The following ROBO2 variants were observed in gnomAD, a reference collection of about 807,000 sequenced individuals.
ROBO2 encodes the protein roundabout homolog 2.
A neutral mutation model predicts 160.8 loss-of-function variants in ROBO2; 53 were observed. The observed-to-expected ratio is 0.33, with a 90% CI of 0.26 to 0.41. The LOEUF (loss-of-function observed/expected upper bound fraction) is 0.41. ROBO2 is among the 10% of genes least tolerant of loss of function. ROBO2 has a pLI of 1.00. For synonymous variants in ROBO2, 664 were observed against 611.7 expected (o/e 1.09, Z -1.26); for missense variants, 1,577 against 1,722.4 (o/e 0.92, Z 1.49).
chr3:77,640,541 G>A (rs2095336910), intron 24 of ROBO2, among the ~76,000 whole-genome samples: 1 of 152,296 alleles, frequency 6.6e-6, no homozygotes, highest in East Asian at 1.9e-4. Context: ...TGGGAGGAAA[G>A]ATCCAAGCTG....
chr3:76,971,574 G>T (rs560402450), intron 2 of ROBO2, among the ~76,000 whole-genome samples: 92 of 152,110 alleles, frequency 6.0e-4, no homozygotes, highest in African/African-American at 2.2e-3. Flanking sequence ...AATAAAAAGG[G>T]TACACCTGTA....
intron 2 of ROBO2, among the ~76,000 whole-genome samples, chr3:76,195,153 C>T (rs1244444329): frequency 4.6e-5 from 7 of 152,156 alleles, no homozygotes; most frequent in Admixed American, 3.9e-4. Context: ...CAAAATTTCA[C>T]ATGCTATCTC....
intron 15 of ROBO2, among the ~76,000 whole-genome samples, chr3:77,578,858 A>G (rs1323906949): frequency 6.6e-6 from 1 of 152,040 alleles, no homozygotes; most frequent in Non-Finnish European, 1.5e-5. Flanking sequence ...ATTTCCATGT[A>G]GTTAAATATT....
chr3:77,637,385 A>C (rs1470091190), intron 24 of ROBO2, among the ~76,000 whole-genome samples: 1 of 152,220 alleles, frequency 6.6e-6, no homozygotes, highest in East Asian at 1.9e-4. Flanking sequence ...AAGAGGACTT[A>C]AAAAGCCAAA....
intron 2 of ROBO2, among the ~76,000 whole-genome samples, chr3:77,183,270 G>T (rs192753948): frequency 2.5e-4 from 38 of 152,130 alleles, no homozygotes; most frequent in Admixed American, 2.3e-3. Flanking sequence ...TTGCTGTAGG[G>T]ATTACCTTCT....
chr3:76,528,013 G>A (rs901951437), intron 2 of ROBO2, among the ~76,000 whole-genome samples: 2 of 151,992 alleles, frequency 1.3e-5, no homozygotes, highest in Non-Finnish European at 2.9e-5. Flanking sequence ...GGGGTGTGGG[G>A]TGCAGAATGT....
chr3:76,381,818 C>A (rs567777405), intron 2 of ROBO2, among the ~76,000 whole-genome samples: 7 of 152,036 alleles, frequency 4.6e-5, no homozygotes, highest in African/African-American at 1.4e-4. Context: ...TTAAGTATTG[C>A]GCCTTATGTG....
intron 2 of ROBO2, among the ~76,000 whole-genome samples, chr3:76,567,261 A>G (rs2084586042): frequency 6.6e-6 from 1 of 152,092 alleles, no homozygotes; most frequent in Admixed American, 6.5e-5. Context: ...AGGAGAAAAT[A>G]TTTATTCAGC....
At chr3:76,799,245 G>A (rs895463348) in intron 2 of ROBO2, among the ~76,000 whole-genome samples, 4 of 148,786 alleles carry the variant, frequency 2.7e-5, no homozygotes, top group Admixed American at 2.0e-4. Context: ...AAAAAAAAAC[G>A]TATATAACAG....
chr3:76,093,510 C>CAG, intron 2 of ROBO2, among the ~76,000 whole-genome samples: 1 of 116,830 alleles, frequency 8.6e-6, no homozygotes, highest in Non-Finnish European at 1.8e-5. Flanking sequence ...AATATTTATA[C>CAG]ATATATATTA....
At chr3:76,808,545 T>C (rs907390548) in intron 2 of ROBO2, among the ~76,000 whole-genome samples, 1 of 152,046 alleles carries the variant, frequency 6.6e-6, no homozygotes, top group African/African-American at 2.4e-5. Context: ...AAATATATGG[T>C]ATATAAGAGC....
At chr3:76,156,466 G>T (rs1447907369) in intron 2 of ROBO2, among the ~76,000 whole-genome samples, 4 of 152,154 alleles carry the variant, frequency 2.6e-5, no homozygotes, top group South Asian at 4.2e-4. Context: ...CCCCAGAATT[G>T]GAATTTATAA....
chr3:76,245,791 C>G (rs914991912), intron 2 of ROBO2, among the ~76,000 whole-genome samples: 2 of 152,128 alleles, frequency 1.3e-5, no homozygotes, highest in South Asian at 2.1e-4. Context: ...TTACTTTGCT[C>G]TGCTGAATGA....
intron 2 of ROBO2, among the ~76,000 whole-genome samples, chr3:76,716,160 T>C (rs1428182534): frequency 6.6e-6 from 1 of 152,218 alleles, no homozygotes; most frequent in African/African-American, 2.4e-5. Flanking sequence ...CATAAATATA[T>C]GCAGTTGATT....
At chr3:77,195,260 A>G (rs1353747445) in intron 2 of ROBO2, among the ~76,000 whole-genome samples, 3 of 152,322 alleles carry the variant, frequency 2.0e-5, no homozygotes, top group Admixed American at 2.0e-4. Flanking sequence ...AAAATGTAGA[A>G]CATTTTATTA....
chr3:77,177,841 T>A (rs1345767175), intron 2 of ROBO2, among the ~76,000 whole-genome samples: 2 of 152,042 alleles, frequency 1.3e-5, no homozygotes, highest in African/African-American at 4.8e-5. Context: ...TTCCAATAAG[T>A]CAACACAAAT....
chr3:77,546,767 CT>C (rs1204652330), intron 7 of ROBO2, among the ~76,000 whole-genome samples: 1 of 151,992 alleles, frequency 6.6e-6, no homozygotes, highest in Non-Finnish European at 1.5e-5. Flanking sequence ...GAAGGTAAAG[CT>C]AATTTTGTTT....
At chr3:76,948,210 A>G (rs1177134825) in intron 2 of ROBO2, among the ~76,000 whole-genome samples, 3 of 152,176 alleles carry the variant, frequency 2.0e-5, no homozygotes, top group Non-Finnish European at 4.4e-5. Flanking sequence ...CAGAAAAGCT[A>G]TATTTTCTCT....
chr3:77,336,858 C>G (rs906263587), intron 2 of ROBO2, among the ~76,000 whole-genome samples: 5 of 152,144 alleles, frequency 3.3e-5, no homozygotes, highest in Admixed American at 1.3e-4. Flanking sequence ...ATTGGTGATG[C>G]CTTTCCCAAG....
Sources: allele counts gnomAD v4.1 joint callset (sites outside exome capture counted in the v4.1 genomes callset), GRCh38; gene constraint gnomAD v4.1.1; transcripts MANE v1.5; gene names NCBI Gene and HGNC (gene_info 2026-07-23, HGNC 2026-07-21).